DMD: variants seen among roughly 807,000 people sequenced by gnomAD.
The protein encoded by DMD is dystrophin, also known as mutant dystrophin.
In DMD, 63 loss-of-function variants were observed where a neutral mutation model predicts 330.1. That is an observed-to-expected ratio of 0.19 (90% CI 0.16 to 0.24). The LOEUF (loss-of-function observed/expected upper bound fraction) is 0.24, where lower values mean the gene tolerates loss of function less well. DMD is among the 10% of genes least tolerant of loss of function. DMD has a pLI of 1.00. For missense variants in DMD, 3,344 were observed against 2,684.1 expected (o/e 1.25, Z -5.43); for synonymous variants, 1,223 against 959.8 (o/e 1.27, Z -5.07).
chrX:33,015,330 C>A (rs747215286), intron 2 of DMD, among the ~76,000 whole-genome samples: 3 of 111,534 alleles, frequency 2.7e-5, no homozygotes, highest in African/African-American at 9.8e-5. Flanking sequence ...TACTATGTAG[C>A]CATAAGAAAG....
At chrX:33,041,221 A>G (rs1478001587) in intron 1 of DMD, among the ~76,000 whole-genome samples, 1 of 113,414 alleles carries the variant, frequency 8.8e-6, no homozygotes, top group East Asian at 2.8e-4. Context: ...TGAGTACTCA[A>G]TCCTTTGATG....
rs752129019 is a variant in DMD at position 32,389,610 on chromosome X, C to T, written c.4409G>A (p.Arg1470His). 19 of 1,208,832 alleles carry T rather than the reference C, an allele frequency of 1.6e-5. No homozygotes were observed. Among genetic ancestry groups the T allele is most frequent in the South Asian group, 1.8e-5 (1 of 56,831 alleles). ...LFQKPANFEQ[R>H]LQESKMILDE... ...TAAAATCATCTTACTTTCTTGTAGA[C>T]GCTGCTCAAAATTGGCTGGTTTCTG... Residue 1470 changes from arginine to histidine, a missense_variant, in exon 32 of 79, where the codon CGT becomes CAT. By Grantham distance (29) the Arg-to-His change is conservative. Transcript: ENST00000357033.
At chrX:33,291,743 C>T (rs2053514872) in intron 1 of DMD, among the ~76,000 whole-genome samples, 1 of 110,821 alleles carries the variant, frequency 9.0e-6, no homozygotes, top group African/African-American at 3.3e-5. Flanking sequence ...CCTAAAAATC[C>T]TACTACATAT....
intron 49 of DMD, among the ~76,000 whole-genome samples, chrX:31,836,215 T>A (rs1369165469): frequency 1.8e-5 from 2 of 112,130 alleles, no homozygotes; most frequent in Non-Finnish European, 1.9e-5. Context: ...TACATGACAT[T>A]TCACTAAAAA....
At chrX:33,298,004 A>G (rs1158787868) in intron 1 of DMD, among the ~76,000 whole-genome samples, 1 of 111,395 alleles carries the variant, frequency 9.0e-6, no homozygotes, top group Non-Finnish European at 1.9e-5. Flanking sequence ...TATGTTAATT[A>G]TATCAAAATA....
At chrX:31,468,921 C>T (rs765478016) in intron 59 of DMD, among the ~76,000 whole-genome samples, 1 of 111,418 alleles carries the variant, frequency 9.0e-6, no homozygotes, top group Admixed American at 9.5e-5. Flanking sequence ...TATGTAATAC[C>T]ATTTTTTTTG....
intron 44 of DMD, among the ~76,000 whole-genome samples, chrX:32,123,202 CATATATATATATATATATATATATATAT>C (rs59017074): frequency 1.5e-4 from 5 of 32,576 alleles, no homozygotes; most frequent in Non-Finnish European, 2.0e-4. Flanking sequence ...TGTGAGCATG[CATATATATATATATATATATATATATAT>C]ATATATATAT....
At chrX:32,255,819 A>G (rs147702727) in intron 43 of DMD, among the ~76,000 whole-genome samples, 3,049 of 111,474 alleles carry the variant, frequency 0.027, 115 homozygotes, top group African/African-American at 0.094. Flanking sequence ...TATATAGAAA[A>G]CTCAGATATA....
chrX:32,613,229 T>A (rs2057308799), intron 12 of DMD, among the ~76,000 whole-genome samples: 1 of 111,680 alleles, frequency 9.0e-6, no homozygotes, highest in Admixed American at 9.5e-5. Flanking sequence ...AGTAGGCTTC[T>A]TTTATTTGTG....
chrX:33,317,240 G>A (rs187443296), intron 1 of DMD, among the ~76,000 whole-genome samples: 1 of 110,857 alleles, frequency 9.0e-6, no homozygotes, highest in African/African-American at 3.3e-5. Flanking sequence ...AGCTTAAATG[G>A]TCTTAAAGAG....
At chrX:32,628,911 A>G (rs982723907) in intron 11 of DMD, among the ~76,000 whole-genome samples, 1 of 112,208 alleles carries the variant, frequency 8.9e-6, no homozygotes, top group Non-Finnish European at 1.9e-5. Flanking sequence ...TGAATTTTCT[A>G]AGACTTGTTT....
At chrX:31,889,647 T>TCTCTCACACACACA (rs796563415) in intron 47 of DMD, among the ~76,000 whole-genome samples, 2 of 71,613 alleles carry the variant, frequency 2.8e-5, no homozygotes, top group African/African-American at 1.1e-4. Flanking sequence ...TCTCTCTCTC[T>TCTCTCACACACACA]CACACACACA....
At chrX:32,298,967 G>GTTC (rs902905041) in intron 42 of DMD, among the ~76,000 whole-genome samples, 5 of 111,354 alleles carry the variant, frequency 4.5e-5, no homozygotes, top group Non-Finnish European at 9.4e-5. Context: ...GAGACTCTTG[G>GTTC]TTCTGTTGCC....
chrX:32,801,552 C>T (rs1355164952), intron 7 of DMD, among the ~76,000 whole-genome samples: 1 of 111,951 alleles, frequency 8.9e-6, no homozygotes, highest in East Asian at 2.8e-4. Flanking sequence ...CTTGCCATTG[C>T]TTTTGGTGTT....
chrX:31,211,940 C>T (rs948069942), intron 64 of DMD, among the ~76,000 whole-genome samples: 6 of 110,920 alleles, frequency 5.4e-5, no homozygotes, highest in African/African-American at 1.6e-4. Context: ...GCTATGGACC[C>T]GAAAAGGAGG....
intron 60 of DMD, among the ~76,000 whole-genome samples, chrX:31,350,680 G>C (rs1421209899): frequency 2.8e-5 from 3 of 105,641 alleles, no homozygotes; most frequent in Admixed American, 2.1e-4. Context: ...AAGCGATGCG[G>C]AACAAACAAG....
At chrX:31,293,016 T>G (rs949724174) in intron 62 of DMD, among the ~76,000 whole-genome samples, 1 of 110,847 alleles carries the variant, frequency 9.0e-6, no homozygotes, top group Non-Finnish European at 1.9e-5. Flanking sequence ...AGTGGTTATA[T>G]TCTATGTTTC....
chrX:33,089,432 G>A (rs1004604102), intron 1 of DMD, among the ~76,000 whole-genome samples: 1 of 110,432 alleles, frequency 9.1e-6, no homozygotes, highest in African/African-American at 3.3e-5. Flanking sequence ...TGTGTCTCAC[G>A]CCTATAATCC....
At chrX:32,729,592 T>A (rs1023273938) in intron 7 of DMD, among the ~76,000 whole-genome samples, 13 of 111,750 alleles carry the variant, frequency 1.2e-4, no homozygotes, top group African/African-American at 3.9e-4. Context: ...ATTTCCACAT[T>A]TCATATATCA....
Sources: allele counts gnomAD v4.1 joint callset (sites outside exome capture counted in the v4.1 genomes callset), GRCh38; gene constraint gnomAD v4.1.1; transcripts MANE v1.5; gene names NCBI Gene and HGNC (gene_info 2026-07-23, HGNC 2026-07-21).